SNORC: variants seen among roughly 807,000 people sequenced by gnomAD.
The protein encoded by SNORC is secondary ossification center associated regulator of chondrocyte maturation.
SNORC carries 11 observed loss-of-function variants against 9.7 expected under a neutral mutation model. That is an observed-to-expected ratio of 1.14 (90% CI 0.72 to 1.88). The LOEUF (loss-of-function observed/expected upper bound fraction) is 1.88. Among genes scored for constraint, SNORC ranks in the 40% most tolerant of loss-of-function variants. SNORC has a pLI of 0.00. For missense variants in SNORC, 197 were observed against 173.1 expected (o/e 1.14, Z -0.77); for synonymous variants, 108 against 88.7 (o/e 1.22, Z -1.22).
chr2:232,868,410 T>G (rs2106185109), upstream of SNORC, among the ~76,000 whole-genome samples: 1 of 152,330 alleles, frequency 6.6e-6, no homozygotes, highest in South Asian at 2.1e-4. Flanking sequence ...TCATTTCATC[T>G]TCACCATCCA....
At chr2:232,874,746 C>T (rs1041739521) in intron 1 of SNORC, among the ~76,000 whole-genome samples, 1 of 152,218 alleles carries the variant, frequency 6.6e-6, no homozygotes, top group Admixed American at 6.5e-5. Context: ...CAAAAGGTGC[C>T]CTAGGGTCGC....
At chr2:232,877,886 C>G (rs1691335706), downstream of SNORC, 1 of 152,330 alleles carries the variant, frequency 6.6e-6, no homozygotes, top group Admixed American at 6.5e-5. Context: ...CGATCCAACC[C>G]AACATGCTGT....
At chr2:232,876,427 C>T, downstream of SNORC, 8 of 1,448,044 alleles carry the variant, frequency 5.5e-6, no homozygotes, top group Non-Finnish European at 7.2e-6. This position sits in a 1 kb window ranked among gnomAD's most constrained non-coding sequence, Gnocchi z 6.8. Flanking sequence ...TATGTCCGCG[C>T]GTGCGTGTCC....
downstream of SNORC, chr2:232,877,099 C>T: frequency 1.0e-6 from 1 of 985,678 alleles, no homozygotes. Flanking sequence ...AGACCAGCAG[C>T]CCCAAGCCCC....
At chr2:232,871,485 G>A (rs1371108031) in intron 1 of SNORC, among the ~76,000 whole-genome samples, 4 of 152,168 alleles carry the variant, frequency 2.6e-5, no homozygotes, top group African/African-American at 7.2e-5. Flanking sequence ...GTGAGGCCTC[G>A]TGAGTTCAGA....
chr2:232,870,839 G>A (rs1251353586), intron 1 of SNORC, among the ~76,000 whole-genome samples: 3 of 152,170 alleles, frequency 2.0e-5, no homozygotes, highest in African/African-American at 4.8e-5. Flanking sequence ...TGGTTTCTGC[G>A]ACGTCCTTAG....
intron 1 of SNORC, among the ~76,000 whole-genome samples, chr2:232,872,464 T>G (rs541826351): frequency 6.0e-4 from 91 of 152,322 alleles, no homozygotes; most frequent in African/African-American, 1.7e-3. Context: ...CCAGTGGGGC[T>G]GGGAGAGAGC....
At chr2:232,877,399 C>T, downstream of SNORC, 1 of 980,924 alleles carries the variant, frequency 1.0e-6, no homozygotes, top group Non-Finnish European at 1.2e-6. Context: ...CTCAGCACAG[C>T]AGGAAGTGGG....
At chr2:232,874,672 T>A (rs2106193281) in intron 1 of SNORC, among the ~76,000 whole-genome samples, 1 of 152,242 alleles carries the variant, frequency 6.6e-6, no homozygotes, top group Middle Eastern at 3.4e-3. Flanking sequence ...CTGGTGAACC[T>A]ATGAGGAGGG....
In SNORC at chr2:232,876,041, G is replaced by C. The variant is rs756959104; in HGVS notation, c.175G>C (p.Val59Leu). 1.7e-5 allele frequency: 26 copies of C among 1,542,016 alleles called. No homozygotes were observed. In the African/African-American group the frequency reaches 1.9e-4, roughly 11 times the overall value. Residue 59 changes from valine to leucine, a missense_variant, in exon 2 of 3, where the codon GTG (valine) becomes CTG (leucine). Transcript: ENST00000331342. This position sits in a 1 kb window ranked among gnomAD's most constrained non-coding sequence, Gnocchi z 6.8. ...GAGCACCAGCCCCGGCCGGGAGCCC[G>C]TGGACACCGGTCCCCCAGCCCCCAC...
chr2:232,876,850 C>G (rs1442993416), downstream of SNORC: 2 of 985,426 alleles, frequency 2.0e-6, no homozygotes, highest in African/African-American at 3.5e-5. The surrounding 1 kb of genome is among the most constrained non-coding windows in gnomAD (Gnocchi z 6.8). Context: ...GGGCGCGGGC[C>G]GAGGCCCTCG....
downstream of SNORC, chr2:232,877,182 ACT>A (rs1169916990): frequency 1.0e-6 from 1 of 984,588 alleles, no homozygotes; most frequent in Admixed American, 6.2e-5. Context: ...CCTGCTTCCT[ACT>A]CTCACCCCCA....
upstream of SNORC, chr2:232,869,604 G>A (rs1013012284): frequency 3.9e-5 from 6 of 152,714 alleles, no homozygotes; most frequent in African/African-American, 1.4e-4. Context: ...GGGCTGTTGA[G>A]AAGCAGTGGG....
At chr2:232,875,361 T>G in intron 1 of SNORC, 1 of 218,372 alleles carries the variant, frequency 4.6e-6, no homozygotes, top group South Asian at 5.4e-5. Flanking sequence ...GAGAGAGAGA[T>G]TAGGACATGG....
chr2:232,874,670 CCTATGAGG>C (rs940751356), intron 1 of SNORC, among the ~76,000 whole-genome samples: 36 of 152,232 alleles, frequency 2.4e-4, no homozygotes, highest in Non-Finnish European at 2.5e-4. Flanking sequence ...TGCTGGTGAA[CCTATGAGG>C]AGGGCAAGTG....
chr2:232,877,387 T>G (rs1448088755), downstream of SNORC: 1 of 983,788 alleles, frequency 1.0e-6, no homozygotes, highest in Non-Finnish European at 1.2e-6. Flanking sequence ...TCATTTAACC[T>G]GCTCAGCACA....
At chr2:232,870,438 C>T in intron 1 of SNORC, 24 bp downstream of exon 1, 5 of 1,555,734 alleles carry the variant, frequency 3.2e-6, no homozygotes, top group African/African-American at 1.4e-5. Context: ...GCCCTTGTCT[C>T]AGCCACCACT....
intron 1 of SNORC, chr2:232,875,626 C>A: frequency 2.0e-6 from 1 of 495,368 alleles, no homozygotes; most frequent in South Asian, 2.5e-5. Context: ...GAGAATGTCT[C>A]CTTTCTGCTC....
At position 232,876,273 on chromosome 2, in the gene SNORC, G is replaced by A. The variant is rs1352003337; in HGVS notation, c.283G>A (p.Ala95Thr). 1.3e-6 allele frequency: 2 copies of A among 1,524,612 alleles called. No individual in the cohort carries two copies. The highest frequency in any genetic ancestry group is 2.1e-5 in the Admixed American group (1 of 47,122). The allele number at this position is 1,524,612 out of a possible 1,614,324, so 94.4% of individuals were successfully genotyped here. ...GTCGCTGGGGCCCGGCGCTATCGCG[G>A]CCATCGTGATCGCCGCCCTGCTGGC... The change falls in exon 3 of 3, where the codon GCC (alanine) becomes ACC (threonine). Residue 95 changes from alanine to threonine, a missense_variant. Transcript: ENST00000331342. The surrounding 1 kb of genome is among the most constrained non-coding windows in gnomAD (Gnocchi z 6.8).
Sources: gnomAD v4.1 joint callset for allele counts (sites outside exome capture counted in the v4.1 genomes callset) on GRCh38, gnomAD v4.1.1 for gene constraint, Gnocchi (gnomAD v3.1) non-coding constraint, MANE v1.5 for transcripts, NCBI Gene and HGNC (gene_info 2026-07-23, HGNC 2026-07-21) for gene names.